Variants in CPEB3 observed in about 807,000 individuals in gnomAD.
The protein encoded by CPEB3 is cytoplasmic polyadenylation element binding protein 3.
CPEB3 carries 20 observed loss-of-function variants against 67.2 expected under a neutral mutation model. The ratio of observed to expected loss-of-function variants is 0.30; its 90% CI spans 0.21 to 0.43. CPEB3 has a LOEUF of 0.43. Ranked by LOEUF, CPEB3 falls within the 20% of genes least tolerant of loss-of-function variation. The pLI is 1.00. For synonymous variants in CPEB3, 376 were observed against 393.1 expected (o/e 0.96, Z 0.51); for missense variants, 746 against 968.6 (o/e 0.77, Z 3.05).
At chr10:92,187,289 C>T (rs541002220) in intron 3 of CPEB3, among the ~76,000 whole-genome samples, 71 of 152,280 alleles carry the variant, frequency 4.7e-4, no homozygotes, top group African/African-American at 1.7e-3. Context: ...AGCATACTTT[C>T]GAAAAGCAAA....
At chr10:92,210,941 C>T (rs1443912569) in intron 2 of CPEB3, among the ~76,000 whole-genome samples, 1 of 152,176 alleles carries the variant, frequency 6.6e-6, no homozygotes, top group South Asian at 2.1e-4. Flanking sequence ...GAGGCTGAGG[C>T]AGGAGAATCG....
At chr10:92,234,709 C>T (rs187372615) in intron 2 of CPEB3, among the ~76,000 whole-genome samples, 43 of 152,182 alleles carry the variant, frequency 2.8e-4, no homozygotes, top group African/African-American at 9.6e-4. Flanking sequence ...TGGCAGATCA[C>T]GAGGTCAAGA....
At chr10:92,195,891 T>TA (rs1849218085) in intron 2 of CPEB3, among the ~76,000 whole-genome samples, 1 of 152,218 alleles carries the variant, frequency 6.6e-6, no homozygotes, top group African/African-American at 2.4e-5. Context: ...AATCCATGGT[T>TA]ACTTCTATAG....
intron 4 of CPEB3, among the ~76,000 whole-genome samples, chr10:92,149,048 G>T (rs1007766654): frequency 2.0e-5 from 3 of 152,020 alleles, no homozygotes; most frequent in Non-Finnish European, 4.4e-5. Flanking sequence ...TTATAGGCAT[G>T]TGCCACCACA....
At chr10:92,052,636 A>G (rs185990268) in intron 9 of CPEB3, among the ~76,000 whole-genome samples, 197 bp from the exon 10 acceptor site, 1 of 152,246 alleles carries the variant, frequency 6.6e-6, no homozygotes, top group Admixed American at 6.5e-5. Context: ...GATATTAGAC[A>G]AATTCTTAAA....
chr10:92,143,104 T>C lies in CPEB3; in HGVS notation c.1378A>G (p.Ser460Gly). 1 of 1,613,094 alleles carries C rather than the reference T, an allele frequency of 6.2e-7. No homozygotes were observed. Among genetic ancestry groups the C allele is most frequent in the Non-Finnish European group, 8.5e-7 (1 of 1,179,418 alleles). The change falls in exon 6 of 10, where the codon AGC becomes GGC. Residue 460 changes from serine to glycine, a missense_variant. By Grantham distance (56) the Ser-to-Gly change is moderately conservative. This residue lies in a region of CPEB3 where 643 missense variants were observed against 717.5 expected (regional missense o/e 0.90). Transcript: ENST00000265997. ...PDIDEDEITA[S>G]FRRFGPLVVD... The stretch of plus-strand genomic sequence containing the variant: ...ACGAGAGGTCCAAACCTGCGAAAGC[T>C]GGCAGTGATCTCATCTACAAAACAA...
chr10:92,066,031 G>T (rs1842534599), intron 9 of CPEB3, among the ~76,000 whole-genome samples: 1 of 151,852 alleles, frequency 6.6e-6, no homozygotes, highest in African/African-American at 2.4e-5. Flanking sequence ...TGGAAGGCAG[G>T]AGTTGCTGTG....
At chr10:92,065,251 C>T (rs1395368477) in intron 9 of CPEB3, among the ~76,000 whole-genome samples, 8 of 152,182 alleles carry the variant, frequency 5.3e-5, no homozygotes, top group African/African-American at 1.2e-4. Context: ...CAGGGTCACT[C>T]GCTCTGTCAC....
intron 1 of CPEB3, among the ~76,000 whole-genome samples, chr10:92,259,490 A>G (rs1219859536): frequency 6.6e-6 from 1 of 152,082 alleles, no homozygotes; most frequent in African/African-American, 2.4e-5. Flanking sequence ...AATCCCAGCT[A>G]CTAGGGAGGC....
rs527990220 is a variant in CPEB3, at chr10:92,104,634, G to A, written c.1572+6442C>T. 1.2e-3 allele frequency among the ~76,000 whole-genome samples: 185 copies of A among 151,908 alleles called. 2 individuals are homozygous for A. Among genetic ancestry groups the A allele is most frequent in the South Asian group, 3.3e-3 (16 of 4,798 alleles). ...GATCTCCTGACCTCATAATCCGCCCGCCTTGGCTCCCAAAATGCTGGGATT... is the reference window on the plus strand; with the variant it reads ...GATCTCCTGACCTCATAATCCGCCCACCTTGGCTCCCAAAATGCTGGGATT... On this transcript the variant is annotated intron_variant, in intron 7 of 9. Coordinates refer to ENST00000265997, the MANE Select transcript of CPEB3 (RefSeq NM_014912.5).
intron 2 of CPEB3, among the ~76,000 whole-genome samples, chr10:92,219,517 C>A (rs1850594828): frequency 6.6e-6 from 1 of 152,206 alleles, no homozygotes. Flanking sequence ...ATCCTAACCA[C>A]AGGCCTTGAA....
At chr10:92,287,729 A>G (rs767086511) in intron 1 of CPEB3, among the ~76,000 whole-genome samples, 1 of 152,166 alleles carries the variant, frequency 6.6e-6, no homozygotes, top group Non-Finnish European at 1.5e-5. Context: ...GTTTTTGAGT[A>G]TATTTACAGT....
intron 9 of CPEB3, among the ~76,000 whole-genome samples, chr10:92,079,750 A>G (rs1296210331): frequency 1.3e-5 from 2 of 152,206 alleles, no homozygotes; most frequent in Non-Finnish European, 2.9e-5. Context: ...CTTGCCTGCT[A>G]CACAAAATTA....
At chr10:92,263,319 G>A (rs963643873) in intron 1 of CPEB3, among the ~76,000 whole-genome samples, 2 of 152,076 alleles carry the variant, frequency 1.3e-5, no homozygotes, top group African/African-American at 4.8e-5. Context: ...CAAGTGATCC[G>A]CCCAACTTGG....
intron 3 of CPEB3, among the ~76,000 whole-genome samples, chr10:92,187,055 A>C (rs1384957541): frequency 3.3e-5 from 5 of 152,244 alleles, no homozygotes; most frequent in African/African-American, 1.2e-4. Context: ...AATGTAATGA[A>C]GGCATATTTT....
At position 92,239,421 on chromosome 10, in the gene CPEB3, G is replaced by A. The variant is rs775098607; in HGVS notation, c.930C>T (p.Ala310=). The change falls in exon 2 of 10, where the codon GCC becomes GCT. Residue 310 remains alanine (A), a synonymous_variant. Coordinates refer to ENST00000265997, the MANE Select transcript of CPEB3 (RefSeq NM_014912.5). This position sits in a 1 kb window ranked among gnomAD's most constrained non-coding sequence, Gnocchi z 6.0. ...VIAPPKFPRA[A]PLTSKSWMED... The stretch of plus-strand genomic sequence containing the variant: ...CCATCCAGGACTTGGAAGTGAGAGG[G>A]GCCGCGCGAGGGAACTTGGGCGGCG... 3.7e-5 allele frequency: 59 copies of A among 1,602,864 alleles called. No individual in the cohort carries two copies. The highest frequency in any genetic ancestry group is 4.9e-5 in the Non-Finnish European group (57 of 1,174,612).
chr10:92,286,659 C>A (rs749028850), intron 1 of CPEB3, among the ~76,000 whole-genome samples: 1 of 151,246 alleles, frequency 6.6e-6, no homozygotes, highest in Non-Finnish European at 1.5e-5. Context: ...TCTGGAAACA[C>A]CTGCTGAAGG....
chr10:92,073,038 CTTTTTTTTTT>C (rs546510647), intron 9 of CPEB3, among the ~76,000 whole-genome samples: 1 of 61,234 alleles, frequency 1.6e-5, no homozygotes, highest in Non-Finnish European at 2.9e-5. Context: ...GAATCTCTGT[CTTTTTTTTTT>C]TTTTTTTTTT....
chr10:92,136,195 T>G (rs1846088156), intron 6 of CPEB3, among the ~76,000 whole-genome samples: 7 of 151,506 alleles, frequency 4.6e-5, no homozygotes, highest in Admixed American at 4.6e-4. Context: ...GACCTCAAAC[T>G]ATGAAACTAC....
Sources: gnomAD v4.1 joint callset for allele counts (sites outside exome capture counted in the v4.1 genomes callset) on GRCh38, gnomAD v4.1.1 for gene constraint, gnomAD v4.1.1 regional missense constraint, Gnocchi (gnomAD v3.1) non-coding constraint, MANE v1.5 for transcripts, NCBI Gene and HGNC (gene_info 2026-07-23, HGNC 2026-07-21) for gene names.